CDKL3: variants seen among roughly 807,000 people sequenced by gnomAD.
The protein encoded by CDKL3 is cyclin-dependent kinase-like 3.
A neutral mutation model predicts 69.3 loss-of-function variants in CDKL3; 65 were observed. The ratio of observed to expected loss-of-function variants is 0.94; its 90% CI spans 0.77 to 1.15. The LOEUF is 1.15. Among genes scored for constraint, CDKL3 ranks in the 50% most tolerant of loss-of-function variants. The probability of loss-of-function intolerance (pLI) is 0.00; values close to 1 mark genes in which losing one functional copy is unlikely to be tolerated. For missense variants in CDKL3, 652 were observed against 689.2 expected (o/e 0.95, Z 0.61); for synonymous variants, 202 against 221.6 (o/e 0.91, Z 0.79).
At chr5:134,340,936 C>G (rs1268303827) in intron 4 of CDKL3, among the ~76,000 whole-genome samples, 1 of 152,026 alleles carries the variant, frequency 6.6e-6, no homozygotes, top group African/African-American at 2.4e-5. Flanking sequence ...ACAAAATTCT[C>G]AACAAAATAC....
At chr5:134,320,962 C>A (rs1772589889) in intron 5 of CDKL3, among the ~76,000 whole-genome samples, 1 of 151,050 alleles carries the variant, frequency 6.6e-6, no homozygotes, top group African/African-American at 2.4e-5. Context: ...GTTTTGGTGG[C>A]CAAAGCAGAT....
intron 9 of CDKL3, 47 bp from the exon 10 acceptor site, chr5:134,306,749 G>GTTT: frequency 4.5e-5 from 13 of 291,270 alleles, no homozygotes; most frequent in South Asian, 1.9e-4. Context: ...CCCCAGAAAT[G>GTTT]CTTTTTTTTT....
rs748937203 is a variant in CDKL3 at position 134,304,470 on chromosome 5, C to T, written c.1556G>A (p.Arg519Lys). Reference sequence around the variant, plus strand: ...CAATTCTGGAAAATGGAATTCTTTCCTGTCAGATCTGGAAAAATTCAGCTT... The same window carrying T: ...CAATTCTGGAAAATGGAATTCTTTCTTGTCAGATCTGGAAAAATTCAGCTT... ...KRKLNFSRSD[R>K]KEFHFPELPV... Residue 519 changes from arginine (R) to lysine (K), a missense_variant, in exon 11 of 13, where the codon AGG becomes AAG. By Grantham distance (26) the Arg-to-Lys change is conservative (BLOSUM62 2). Coordinates refer to ENST00000265334, the MANE Select transcript of CDKL3 (RefSeq NM_001113575.2). 6.2e-7 allele frequency: 1 copy of T among 1,612,700 alleles called. No homozygotes were observed. Among genetic ancestry groups the T allele is most frequent in the Non-Finnish European group, 8.5e-7 (1 of 1,179,380 alleles).
Position 134,340,938 on chromosome 5 carries a change from A to G in CDKL3, c.539+9311T>C, listed in dbSNP as rs183023300. On this transcript the variant is annotated intron_variant, in intron 4 of 12. Transcript: ENST00000265334. Reference sequence around the variant, plus strand: ...TATGAATGTGAACACAAAATTCTCAACAAAATACTAGCAAACTGAATCCAG... The same window carrying G: ...TATGAATGTGAACACAAAATTCTCAGCAAAATACTAGCAAACTGAATCCAG... Among the ~76,000 whole-genome samples, 73 of 152,310 alleles carry G rather than the reference A, an allele frequency of 4.8e-4. 1 individual carries two copies. The highest frequency in any genetic ancestry group is 1.7e-3 in the Admixed American group (26 of 15,294).
At chr5:134,310,241 A>G (rs974776932) in intron 7 of CDKL3, among the ~76,000 whole-genome samples, 1 of 152,040 alleles carries the variant, frequency 6.6e-6, no homozygotes, top group African/African-American at 2.4e-5. Flanking sequence ...GATGGAGTGC[A>G]GTGGCACGAT....
rs1554078708 is a variant in CDKL3, at chr5:134,304,832, A to ATAATAT, written c.1459-266_1459-265insATATTA. Among the ~76,000 whole-genome samples the ATAATAT allele has an allele frequency of 2.6e-3, 375 of 146,380 alleles. 2 individuals carry two copies. Among genetic ancestry groups the ATAATAT allele is most frequent in the African/African-American group, 8.4e-3 (336 of 39,802 alleles). ...AACCACAATAATAATAATAATAATA[A>ATAATAT]TATTATTATTATTATTATTATTTTG... On this transcript the variant is annotated intron_variant, in intron 10 of 12. Transcript: ENST00000265334.
At chr5:134,301,178 AG>A (rs1766204991) in intron 12 of CDKL3, among the ~76,000 whole-genome samples, 1 of 152,050 alleles carries the variant, frequency 6.6e-6, no homozygotes, top group African/African-American at 2.4e-5. Context: ...TTGTATTTTT[AG>A]TAGAGAAGGG....
At chr5:134,364,819 TC>T (rs1757006548) in intron 2 of CDKL3, among the ~76,000 whole-genome samples, 2 of 146,408 alleles carry the variant, frequency 1.4e-5, no homozygotes, top group South Asian at 4.3e-4. Flanking sequence ...TTTTTTTTTT[TC>T]TTTTGAGATG....
At chr5:134,357,258 A>G (rs1043333445) in intron 3 of CDKL3, among the ~76,000 whole-genome samples, 4 of 152,036 alleles carry the variant, frequency 2.6e-5, no homozygotes, top group Non-Finnish European at 5.9e-5. Flanking sequence ...AGCCTGACCA[A>G]CACGGTGAAA....
At chr5:134,306,927 G>T (rs1428022080) in intron 9 of CDKL3, among the ~76,000 whole-genome samples, 3 of 151,736 alleles carry the variant, frequency 2.0e-5, no homozygotes, top group African/African-American at 7.3e-5. Context: ...ACTAATTTTT[G>T]TATTTTTTGT....
In CDKL3 at chr5:134,298,449, A is replaced by G. The variant is rs1163538416; in HGVS notation, c.*202T>C. ...TAGGCAGAGAAGAGATGACTTTATA[A>G]TTCCAAATCAAATTATCACATCAAC... is the stretch of plus-strand genomic sequence containing the variant. On this transcript the variant is annotated 3_prime_UTR_variant, in exon 13 of 13. Coordinates refer to ENST00000265334, the MANE Select transcript of CDKL3 (RefSeq NM_001113575.2). 6 of 1,344,348 alleles carry G rather than the reference A, an allele frequency of 4.5e-6. No homozygotes were observed. The highest frequency in any genetic ancestry group is 4.7e-6 in the Non-Finnish European group (5 of 1,053,520). The allele number at this position is 1,344,348 out of a possible 1,614,324, so 83.3% of individuals were successfully genotyped here. A position where few individuals can be genotyped will look rare whatever the true frequency, so the allele number is the denominator to read the frequency against.
At chr5:134,371,473 T>TCGGCGGCGG (rs34763898), upstream of CDKL3, 1,359 of 1,143,932 alleles carry the variant, frequency 1.2e-3, 6 homozygotes, top group African/African-American at 9.5e-3. Flanking sequence ...TTTGTCAGTC[T>TCGGCGGCGG]CGGCGGCGGC....
At chr5:134,342,336 C>G (rs1019674338) in intron 4 of CDKL3, among the ~76,000 whole-genome samples, 8 of 151,882 alleles carry the variant, frequency 5.3e-5, no homozygotes, top group Admixed American at 5.2e-4. Flanking sequence ...CGGTGGCTCA[C>G]GCCTGTAATC....
upstream of CDKL3, among the ~76,000 whole-genome samples, chr5:134,369,492 T>C (rs1199194195): frequency 3.9e-5 from 6 of 152,132 alleles, no homozygotes; most frequent in Admixed American, 3.3e-4. Context: ...CCAGAAAGGG[T>C]TAACTTTTCC....
downstream of CDKL3, among the ~76,000 whole-genome samples, chr5:134,296,481 CATATAA>C (rs1158268779): frequency 6.6e-5 from 10 of 152,120 alleles, no homozygotes; most frequent in African/African-American, 2.4e-4. Context: ...TGGGCAAACA[CATATAA>C]ATATAATATA....
chr5:134,339,981 G>A (rs541187892), intron 4 of CDKL3, among the ~76,000 whole-genome samples: 49 of 151,868 alleles, frequency 3.2e-4, no homozygotes, highest in African/African-American at 1.2e-3. Context: ...GTGAGACCTC[G>A]TCTCTGCAAA....
At chr5:134,332,092 A>T (rs1046608173) in intron 4 of CDKL3, among the ~76,000 whole-genome samples, 1 of 152,170 alleles carries the variant, frequency 6.6e-6, no homozygotes, top group African/African-American at 2.4e-5. Flanking sequence ...GCATAAATGT[A>T]TTCTTTTGAG....
rs141342568 is a variant in CDKL3 at position 134,308,498 on chromosome 5, C to T, written c.1036-32G>A. On this transcript the variant is annotated intron_variant, in intron 8 of 12. Coordinates refer to ENST00000265334, the MANE Select transcript of CDKL3 (RefSeq NM_001113575.2). The stretch of plus-strand genomic sequence containing the variant: ...TAGATACATCCAAAATCTGAGTCAT[C>T]ATAACAGTTATTTTTGTCATTAGAG... The T allele has an allele frequency of 1.6e-4, 254 of 1,562,008 alleles. No individual in the cohort carries two copies. The African/African-American group carries it at 3.2e-3, about 20-fold the overall frequency.
chr5:134,297,890 TTGTG>T (rs528154005), downstream of CDKL3, among the ~76,000 whole-genome samples: 29,380 of 104,776 alleles, frequency 0.28, 3,969 homozygotes, highest in Middle Eastern at 0.36. Flanking sequence ...CATGAATAGT[TTGTG>T]TGTGTGTGTG....
Sources: gnomAD v4.1 joint callset for allele counts (sites outside exome capture counted in the v4.1 genomes callset) on GRCh38, gnomAD v4.1.1 for gene constraint, MANE v1.5 for transcripts, NCBI Gene and HGNC (gene_info 2026-07-23, HGNC 2026-07-21) for gene names.